Variants in CCT8 observed in about 807,000 individuals in gnomAD.
CCT8 encodes T-complex protein 1 subunit theta.
In CCT8, 10 loss-of-function variants were observed where a neutral mutation model predicts 65.7. The ratio of observed to expected loss-of-function variants is 0.15; its 90% CI spans 0.09 to 0.26. The LOEUF (loss-of-function observed/expected upper bound fraction) is 0.26, where lower values mean the gene tolerates loss of function less well. CCT8 is among the 10% of genes least tolerant of loss of function. The pLI is 1.00. For missense variants in CCT8, 568 were observed against 669.1 expected, an observed-to-expected ratio of 0.85 and a Z score of 1.67; for synonymous variants, 199 against 221.8, an observed-to-expected ratio of 0.90 and a Z score of 0.92.
chr21:29,065,171 T>G, intron 6 of CCT8, 66 bp from the exon 7 acceptor site: 1 of 1,512,284 alleles, frequency 6.6e-7, no homozygotes, highest in Non-Finnish European at 9.1e-7. Flanking sequence ...AAACTGTTGA[T>G]TCTCCATATA....
At position 29,066,879 on chromosome 21, in the gene CCT8, A is replaced by G. The variant is rs765513230; in HGVS notation, c.562+12T>C. On this transcript the variant is annotated intron_variant, in intron 5 of 14. Transcript: ENST00000286788. ...TTATTTTGGATCTTTTCATTTACTG[A>G]TATTTACTTACCGCATGCCTGAGCA... is the stretch of plus-strand genomic sequence containing the variant. 55 of 1,597,678 alleles carry G rather than the reference A, an allele frequency of 3.4e-5. No homozygotes were observed. Among genetic ancestry groups the G allele is most frequent in the Non-Finnish European group, 4.2e-5 (49 of 1,169,958 alleles).
chr21:29,073,595 A>T lies in CCT8; in HGVS notation c.-5T>A. The T allele has an allele frequency of 3.1e-6, 5 of 1,614,062 alleles. No individual in the cohort carries two copies. The highest frequency in any genetic ancestry group is 4.2e-6 in the Non-Finnish European group (5 of 1,179,968). ...CTTGGGAACGTGAAGCGCCATGGCC[A>T]GCCTGCAGGAAGCAGTTCACGCGAC... On this transcript the variant is annotated 5_prime_UTR_variant, in exon 1 of 15. Coordinates refer to ENST00000286788, the MANE Select transcript of CCT8 (RefSeq NM_006585.4).
chr21:29,071,699 T>C (rs751387884), intron 1 of CCT8, among the ~76,000 whole-genome samples: 3 of 152,110 alleles, frequency 2.0e-5, no homozygotes, highest in Non-Finnish European at 4.4e-5. Flanking sequence ...AGCCACTGCT[T>C]TAAAAGCATC....
intron 10 of CCT8, 36 bp from the exon 11 acceptor site, chr21:29,062,279 C>T (rs758658243): frequency 1.2e-6 from 2 of 1,605,192 alleles, no homozygotes; most frequent in Middle Eastern, 1.7e-4. Flanking sequence ...TGATTAAATA[C>T]AAGAAGCTAA....
chr21:29,060,462 T>C, intron 14 of CCT8, 79 bp downstream of exon 14: 4 of 1,397,984 alleles, frequency 2.9e-6, no homozygotes, highest in South Asian at 1.2e-5. Flanking sequence ...AACTATGCTA[T>C]GTTCTAGTTC....
rs1016886043 is a variant in CCT8, at chr21:29,061,435, T to A, written c.1285-18A>T. The A allele has an allele frequency of 1.9e-6, 3 of 1,613,794 alleles. No homozygotes were observed. The highest frequency in any genetic ancestry group is 2.5e-6 in the Non-Finnish European group (3 of 1,179,838). ...GGACATGTCTAAAACAAAAATGCGT[T>A]AATTACTGTCTTTTATTCAAGCAAT... On this transcript the variant is annotated intron_variant, in intron 12 of 14. Coordinates refer to ENST00000286788, the MANE Select transcript of CCT8 (RefSeq NM_006585.4).
Position 29,060,636 on chromosome 21 carries a change from T to A in CCT8, c.1474A>T (p.Met492Leu). 3 of 1,613,794 alleles carry A rather than the reference T, an allele frequency of 1.9e-6. No homozygotes were observed. The highest frequency in any genetic ancestry group is 2.5e-6 in the Non-Finnish European group (3 of 1,179,758). Residue 492 changes from methionine (M) to leucine (L), a missense_variant, in exon 14 of 15, where the codon ATG (methionine) becomes TTG (leucine). Coordinates refer to ENST00000286788, the MANE Select transcript of CCT8 (RefSeq NM_006585.4). ...GTATCTAGAATACCAGCTTCCAGCA[T>A]GTCCTTTACAGCAGGGACTTCAGCC... ...IEAEVPAVKDMLEAGILDTYL... is the reference protein window; with the variant it reads ...IEAEVPAVKDLLEAGILDTYL...
In CCT8 at chr21:29,059,610, T is replaced by A. The variant is rs899666671; in HGVS notation, c.1569+931A>T. The A allele has an allele frequency of 5.4e-4, 83 of 152,358 alleles. 1 individual carries two copies. Among genetic ancestry groups the A allele is most frequent in the African/African-American group, 1.9e-3 (78 of 41,588 alleles). 9.4% of individuals were successfully genotyped at this position (152,358 alleles called of 1,614,324 possible). On this transcript the variant is annotated intron_variant, in intron 14 of 14. Transcript: ENST00000286788. The stretch of plus-strand genomic sequence containing the variant: ...TAGAATAAGTATTTTCTTAGGTTTC[T>A]ATTTAAGAACTCAAACATATTCTTC...
rs752151561 is a variant in CCT8, at chr21:29,063,338, C to T, written c.941+14G>A. 41 of 1,594,326 alleles carry T rather than the reference C, an allele frequency of 2.6e-5. No individual in the cohort carries two copies. Among genetic ancestry groups the T allele is most frequent in the African/African-American group, 1.6e-4 (12 of 73,964 alleles). On this transcript the variant is annotated intron_variant, in intron 8 of 14. Coordinates refer to ENST00000286788, the MANE Select transcript of CCT8 (RefSeq NM_006585.4). ...TTATGATATAGGTAAAAAAAAAAAT[C>T]GGCTTTTTCTTACCTCACTAACATG...
rs1399906309 is a variant in CCT8, at chr21:29,061,348, G to A, written c.1354C>T (p.Leu452=). 1 of 1,613,836 alleles carries A rather than the reference G, an allele frequency of 6.2e-7. No individual in the cohort carries two copies. The highest frequency in any genetic ancestry group is 8.5e-7 in the Non-Finnish European group (1 of 1,179,920). The change falls in exon 13 of 15, where the codon CTG becomes TTG. Residue 452 remains leucine, a synonymous_variant. Transcript: ENST00000286788. ...AEAFEAIPRA[L]AENSGVKANE... is the part of the protein sequence containing the mutation. ...GCCTTAACTCCAGAGTTTTCTGCCAGTGCGCGGGGAATAGCTTCAAATGCC... is the reference window on the plus strand; with the variant it reads ...GCCTTAACTCCAGAGTTTTCTGCCAATGCGCGGGGAATAGCTTCAAATGCC...
chr21:29,060,430 G>A (rs952794675), intron 14 of CCT8, 111 bp downstream of exon 14: 20 of 1,109,350 alleles, frequency 1.8e-5, no homozygotes, highest in Middle Eastern at 5.5e-4. Context: ...AATAGGTGAG[G>A]ACTAAGAATC....
intron 1 of CCT8, among the ~76,000 whole-genome samples, chr21:29,071,560 T>G (rs895095484): frequency 1.8e-4 from 28 of 151,378 alleles, no homozygotes; most frequent in African/African-American, 6.3e-4. Context: ...ACCAGGTTGG[T>G]TTTTTTTGTA....
In CCT8 at chr21:29,062,562, A is replaced by G. The variant is rs563709441; in HGVS notation, c.942-6T>C. 93 of 1,610,854 alleles carry G rather than the reference A, an allele frequency of 5.8e-5. 1 individual carries two copies. In the South Asian group the frequency reaches 9.8e-4, roughly 17 times the overall value. On this transcript the variant is annotated splice_region_variant and splice_polypyrimidine_tract_variant and intron_variant, in intron 8 of 14. Transcript: ENST00000286788. Reference sequence around the variant, plus strand: ...GATCCCATTTTGAGTTTAGCCTTTAAAAAACACAAAGACCTTAATAAAAGT... The same window carrying G: ...GATCCCATTTTGAGTTTAGCCTTTAGAAAACACAAAGACCTTAATAAAAGT...
At chr21:29,056,648 T>G in intron 14 of CCT8, 96 bp from the exon 15 acceptor site, 1 of 702,916 alleles carries the variant, frequency 1.4e-6, no homozygotes, top group Non-Finnish European at 2.2e-6. Context: ...TTAAGCAGTC[T>G]TCTTGGTATA....
Position 29,056,560 on chromosome 21 carries a change from A to G in CCT8, c.1570-8T>C. 6.5e-7 allele frequency: 1 copy of G among 1,538,008 alleles called. No homozygotes were observed. The highest frequency in any genetic ancestry group is 8.8e-7 in the Non-Finnish European group (1 of 1,140,312). On this transcript the variant is annotated splice_polypyrimidine_tract_variant and splice_region_variant and intron_variant, in intron 14 of 14. Transcript: ENST00000286788. The stretch of plus-strand genomic sequence containing the variant: ...TGGTTTTGCCATGATGATCTGCATA[A>G]AAAAGAATCACACAAGAGTATGCTT...
At chr21:29,056,865 TAAG>T (rs1385774185) in intron 14 of CCT8, among the ~76,000 whole-genome samples, 1 of 152,204 alleles carries the variant, frequency 6.6e-6, no homozygotes, top group African/African-American at 2.4e-5. Context: ...ATCACTGGTG[TAAG>T]TCGGTCAGTT....
At chr21:29,058,457 A>G (rs2085528389) in intron 14 of CCT8, among the ~76,000 whole-genome samples, 1 of 152,030 alleles carries the variant, frequency 6.6e-6, no homozygotes, top group African/African-American at 2.4e-5. Flanking sequence ...AAAAAGAAAC[A>G]AACACTAAAA....
At chr21:29,061,453 C>T in intron 12 of CCT8, 36 bp from the exon 13 acceptor site, 1 of 1,613,516 alleles carries the variant, frequency 6.2e-7, no homozygotes, top group South Asian at 1.1e-5. Flanking sequence ...GTCTTTTATT[C>T]AAGCAATGGA....
At chr21:29,062,813 T>C in intron 8 of CCT8, 1 of 496,822 alleles carries the variant, frequency 2.0e-6, no homozygotes, top group Non-Finnish European at 3.5e-6. Context: ...ATTGGGAGAA[T>C]GGAAGTCACT....
Sources: allele counts gnomAD v4.1 joint callset (sites outside exome capture counted in the v4.1 genomes callset), GRCh38; gene constraint gnomAD v4.1.1; transcripts MANE v1.5; gene names NCBI Gene and HGNC (gene_info 2026-07-23, HGNC 2026-07-21).